The following TMEFF1 variants were observed in gnomAD, a reference collection of about 807,000 sequenced individuals.
TMEFF1 encodes tomoregulin-1.
TMEFF1 carries 20 observed loss-of-function variants against 47.5 expected under a neutral mutation model. That is an observed-to-expected ratio of 0.42 (90% confidence interval 0.30 to 0.61). TMEFF1 has a LOEUF of 0.61. Among genes scored for constraint, TMEFF1 ranks in the 20% least tolerant of loss-of-function variants. The pLI, the probability that TMEFF1 is intolerant of heterozygous loss-of-function variation, is 0.19. For missense variants in TMEFF1, 411 were observed against 471.1 expected, an observed-to-expected ratio of 0.87 and a Z score of 1.18; for synonymous variants, 162 against 166.3, an observed-to-expected ratio of 0.97 and a Z score of 0.20.
chr9:100,530,178 A>C (rs899558610), intron 5 of TMEFF1, among the ~76,000 whole-genome samples: 1 of 151,882 alleles, frequency 6.6e-6, no homozygotes, highest in African/African-American at 2.4e-5. Context: ...ATCACAATTA[A>C]AAGAACTAGA....
At chr9:100,534,032 G>A (rs1005440213) in intron 5 of TMEFF1, among the ~76,000 whole-genome samples, 15 of 152,060 alleles carry the variant, frequency 9.9e-5, no homozygotes, top group Admixed American at 5.9e-4. Context: ...CTATTCTTTT[G>A]AGCAAAAACT....
At position 100,523,242 on chromosome 9, in the gene TMEFF1, C is replaced by T. The variant is rs562914857; in HGVS notation, c.560+6471C>T. ...CAGCTTATTTTAACTCCTATTCCTC[C>T]TTCTAGCCTTAGATGCCGTGTGACT... On this transcript the variant is annotated intron_variant, in intron 5 of 9. Transcript: ENST00000374879. Among the ~76,000 whole-genome samples, 9 of 152,292 alleles carry T rather than the reference C, an allele frequency of 5.9e-5. No homozygotes were observed. In the East Asian group the frequency reaches 1.7e-3, roughly 29 times the overall value.
At chr9:100,479,528 A>G (rs1837300509) in intron 1 of TMEFF1, among the ~76,000 whole-genome samples, 1 of 152,168 alleles carries the variant, frequency 6.6e-6, no homozygotes, top group South Asian at 2.1e-4. Context: ...CAGTCATTCC[A>G]CATTCCTCGC....
intron 1 of TMEFF1, among the ~76,000 whole-genome samples, chr9:100,488,288 G>A (rs1035093097): frequency 1.3e-5 from 2 of 152,068 alleles, no homozygotes; most frequent in Admixed American, 1.3e-4. Flanking sequence ...TTCTACCAAA[G>A]TCTGTGTAGT....
At chr9:100,482,693 T>C (rs957640834) in intron 1 of TMEFF1, among the ~76,000 whole-genome samples, 7 of 152,224 alleles carry the variant, frequency 4.6e-5, no homozygotes, top group African/African-American at 1.7e-4. Flanking sequence ...GTTGTGATGC[T>C]CTTAATTTGA....
At chr9:100,540,549 T>C (rs968167420) in intron 5 of TMEFF1, among the ~76,000 whole-genome samples, 2 of 152,180 alleles carry the variant, frequency 1.3e-5, no homozygotes, top group Non-Finnish European at 2.9e-5. Flanking sequence ...GCTCCGGCCT[T>C]GGCCAGCCCC....
Position 100,473,857 on chromosome 9 carries a change from C to T in TMEFF1, c.196+117C>T. The T allele has an allele frequency of 3.2e-6, 4 of 1,242,774 alleles. No homozygotes were observed. Among genetic ancestry groups the T allele is most frequent in the African/African-American group, 1.6e-5 (1 of 63,232 alleles). The allele number at this position is 1,242,774 out of a possible 1,614,324, so 77.0% of individuals were successfully genotyped here. Reference sequence around the variant, plus strand: ...CCGTCGTGGGGGTCCCAGGGGTGGGCCCGAGGGTGAGCGAGGGCGGAGGGC... The same window carrying T: ...CCGTCGTGGGGGTCCCAGGGGTGGGTCCGAGGGTGAGCGAGGGCGGAGGGC... On this transcript the variant is annotated intron_variant, in intron 1 of 9. Transcript: ENST00000374879. This position sits in a 1 kb window ranked among gnomAD's most constrained non-coding sequence, Gnocchi z 5.4.
intron 1 of TMEFF1, among the ~76,000 whole-genome samples, chr9:100,485,002 T>C (rs1488078494): frequency 6.6e-6 from 1 of 152,210 alleles, no homozygotes; most frequent in Non-Finnish European, 1.5e-5. Flanking sequence ...TTGCTGTAGA[T>C]TTGTCTATTC....
intron 7 of TMEFF1, among the ~76,000 whole-genome samples, chr9:100,551,132 T>G (rs575218627): frequency 3.3e-5 from 5 of 152,368 alleles, no homozygotes; most frequent in Admixed American, 3.3e-4. Context: ...ATTTGTTTGG[T>G]TGCACCATTA....
At chr9:100,568,990 T>G (rs1839178603) in intron 8 of TMEFF1, among the ~76,000 whole-genome samples, 1 of 152,208 alleles carries the variant, frequency 6.6e-6, no homozygotes, top group Non-Finnish European at 1.5e-5. Flanking sequence ...GATGAAAATT[T>G]AGGTTCTTTC....
At chr9:100,488,006 G>A (rs982216073) in intron 1 of TMEFF1, among the ~76,000 whole-genome samples, 3 of 151,466 alleles carry the variant, frequency 2.0e-5, no homozygotes, top group African/African-American at 7.3e-5. Flanking sequence ...TGATTTCCCT[G>A]GGTTCTGGCT....
intron 5 of TMEFF1, among the ~76,000 whole-genome samples, chr9:100,545,932 C>G (rs1029134733): frequency 1.3e-5 from 2 of 152,172 alleles, no homozygotes; most frequent in African/African-American, 4.8e-5. Flanking sequence ...TCATTTCCAT[C>G]TGTGATCACC....
At chr9:100,518,455 C>T in intron 5 of TMEFF1, 3 of 985,368 alleles carry the variant, frequency 3.0e-6, no homozygotes, top group Non-Finnish European at 3.6e-6. Context: ...GGACATAGAC[C>T]ATGGAAGGGC....
Position 100,473,176 on chromosome 9 carries a change from C to A in TMEFF1, c.-369C>A, listed in dbSNP as rs1450389812. On this transcript the variant is annotated 5_prime_UTR_variant, in exon 1 of 10. Transcript: ENST00000374879. The surrounding 1 kb of genome is among the most constrained non-coding windows in gnomAD (Gnocchi z 5.4). ...CTTTGTGACGCGGTGGCAACGGCCA[C>A]GGACACAAAGGGAAGGCGAGGAGGC... is the stretch of plus-strand genomic sequence containing the variant. 6.0e-5 allele frequency: 9 copies of A among 150,432 alleles called. No homozygotes were observed. The highest frequency in any genetic ancestry group is 4.6e-4 in the Admixed American group (7 of 15,086). The allele number at this position is 150,432 out of a possible 1,614,324, so 9.3% of individuals were successfully genotyped here. A position where few individuals can be genotyped will look rare whatever the true frequency, so the allele number is the denominator to read the frequency against.
intron 7 of TMEFF1, among the ~76,000 whole-genome samples, chr9:100,552,351 G>A (rs190632907): frequency 2.0e-5 from 3 of 152,308 alleles, no homozygotes; most frequent in Admixed American, 6.5e-5. Context: ...AGATATGAGA[G>A]ATAGAGAGTT....
At chr9:100,490,873 ATG>A (rs1287234715) in intron 1 of TMEFF1, among the ~76,000 whole-genome samples, 3 of 80,850 alleles carry the variant, frequency 3.7e-5, no homozygotes, top group Non-Finnish European at 8.0e-5. Flanking sequence ...GTGTGTGTGT[ATG>A]TGTGTATGTG....
intron 3 of TMEFF1, among the ~76,000 whole-genome samples, chr9:100,509,753 G>A (rs1392998742): frequency 2.7e-5 from 4 of 147,932 alleles, no homozygotes; most frequent in Non-Finnish European, 4.4e-5. Context: ...CAGCCTGGGC[G>A]ACAGAGCAAG....
Position 100,576,717 on chromosome 9 carries a change from G to T in TMEFF1, c.*117G>T, listed in dbSNP as rs1238011695. On this transcript the variant is annotated 3_prime_UTR_variant, in exon 10 of 10. Coordinates refer to ENST00000374879, the MANE Select transcript of TMEFF1 (RefSeq NM_003692.5). ...TTTTGGACATTTTTAGTGTAGTACT[G>T]TTGGCTCGTATTTAGAATATTCAGC... is the stretch of plus-strand genomic sequence containing the variant. 8.1e-7 allele frequency: 1 copy of T among 1,230,020 alleles called. No homozygotes were observed. Among genetic ancestry groups the T allele is most frequent in the Non-Finnish European group, 1.1e-6 (1 of 892,560 alleles). 76.2% of individuals were successfully genotyped at this position (1,230,020 alleles called of 1,614,324 possible).
chr9:100,560,263 A>G (rs921187715), intron 7 of TMEFF1, among the ~76,000 whole-genome samples: 1 of 152,126 alleles, frequency 6.6e-6, no homozygotes, highest in Admixed American at 6.6e-5. Context: ...AGTCCTCTCA[A>G]AACTGCATGA....
Sources: gnomAD v4.1 joint callset for allele counts (sites outside exome capture counted in the v4.1 genomes callset) on GRCh38, gnomAD v4.1.1 for gene constraint, Gnocchi (gnomAD v3.1) non-coding constraint, MANE v1.5 for transcripts, NCBI Gene and HGNC (gene_info 2026-07-23, HGNC 2026-07-21) for gene names.